SLMAP: variants seen among roughly 807,000 people sequenced by gnomAD.
SLMAP encodes sarcolemmal membrane-associated protein.
A neutral mutation model predicts 128.8 loss-of-function variants in SLMAP; 44 were observed. The ratio of observed to expected loss-of-function variants is 0.34; its 90% confidence interval spans 0.27 to 0.44. The LOEUF (loss-of-function observed/expected upper bound fraction) is 0.44. SLMAP is among the 20% of genes least tolerant of loss of function. SLMAP has a pLI of 1.00. For missense variants in SLMAP, 787 were observed against 985.3 expected, an observed-to-expected ratio of 0.80 and a Z score of 2.69; for synonymous variants, 327 against 348.8, an observed-to-expected ratio of 0.94 and a Z score of 0.70.
At chr3:57,858,464 C>T (rs2094894921) in intron 8 of SLMAP, among the ~76,000 whole-genome samples, 1 of 152,340 alleles carries the variant, frequency 6.6e-6, no homozygotes, top group East Asian at 1.9e-4. Flanking sequence ...CCCTCCCACT[C>T]CATAAAGTAG....
intron 13 of SLMAP, among the ~76,000 whole-genome samples, chr3:57,869,040 T>C (rs2095403109): frequency 7.3e-6 from 1 of 136,744 alleles, no homozygotes; most frequent in Non-Finnish European, 1.6e-5. Flanking sequence ...ATATATAATA[T>C]ATATTATATA....
At chr3:57,766,518 T>C (rs1334622007) in intron 2 of SLMAP, among the ~76,000 whole-genome samples, 1 of 152,192 alleles carries the variant, frequency 6.6e-6, no homozygotes, top group Non-Finnish European at 1.5e-5. Flanking sequence ...AAGTTTACAG[T>C]CCAGACTCTT....
chr3:57,764,507 A>G (rs1487298117), intron 2 of SLMAP, among the ~76,000 whole-genome samples: 1 of 151,872 alleles, frequency 6.6e-6, no homozygotes, highest in Non-Finnish European at 1.5e-5. Context: ...ATCTCAAAAA[A>G]AAAAAGAAAA....
intron 2 of SLMAP, among the ~76,000 whole-genome samples, chr3:57,794,243 ACTCTC>A (rs1402533497): frequency 2.3e-4 from 35 of 151,630 alleles, no homozygotes; most frequent in Admixed American, 2.2e-3. Flanking sequence ...CGTACGCTAT[ACTCTC>A]CTGGTTCTTA....
chr3:57,833,971 GTGATAA>G (rs1382578938), intron 3 of SLMAP, among the ~76,000 whole-genome samples: 4 of 152,074 alleles, frequency 2.6e-5, no homozygotes, highest in Non-Finnish European at 5.9e-5. Flanking sequence ...AAACAGTGCT[GTGATAA>G]CTTTTGTATC....
At chr3:57,814,442 T>A (rs2091556787) in intron 2 of SLMAP, among the ~76,000 whole-genome samples, 1 of 152,170 alleles carries the variant, frequency 6.6e-6, no homozygotes, top group Admixed American at 6.5e-5. Flanking sequence ...TGCCCAGTCC[T>A]CTGAGCATTA....
chr3:57,917,155 G>C (rs1250663278), intron 22 of SLMAP, 78 bp downstream of exon 22: 1 of 1,592,528 alleles, frequency 6.3e-7, no homozygotes, highest in East Asian at 2.3e-5. Context: ...ATGCTAGTTA[G>C]AAATAAAGGG....
At chr3:57,886,665 G>A (rs1408613619) in intron 14 of SLMAP, among the ~76,000 whole-genome samples, 4 of 149,306 alleles carry the variant, frequency 2.7e-5, no homozygotes, top group African/African-American at 9.9e-5. Flanking sequence ...AATTCCAGAG[G>A]GGGAGAATAA....
chr3:57,866,223 A>G (rs2095298345), intron 13 of SLMAP, among the ~76,000 whole-genome samples: 1 of 151,926 alleles, frequency 6.6e-6, no homozygotes, highest in Admixed American at 6.6e-5. Flanking sequence ...AGTGAGCCAT[A>G]ATTGTGCCAC....
intron 2 of SLMAP, among the ~76,000 whole-genome samples, chr3:57,782,080 CTT>C (rs1473106467): frequency 6.6e-6 from 1 of 152,068 alleles, no homozygotes; most frequent in African/African-American, 2.4e-5. Context: ...GATTTATACT[CTT>C]TTATTTTGGG....
intron 15 of SLMAP, 78 bp from the exon 16 acceptor site, chr3:57,896,433 A>G (rs1333987433): frequency 1.4e-6 from 2 of 1,456,934 alleles, no homozygotes; most frequent in East Asian, 2.6e-5. Flanking sequence ...GATTTTGAGC[A>G]TTCATAGCCT....
intron 2 of SLMAP, among the ~76,000 whole-genome samples, chr3:57,779,936 C>CT (rs965686335): frequency 2.1e-4 from 31 of 150,690 alleles, no homozygotes; most frequent in Non-Finnish European, 3.0e-4. Flanking sequence ...GGTACACCGA[C>CT]TTTTTTTTTA....
rs2096824938 is a variant in SLMAP at position 57,916,887 on chromosome 3, G to C, written c.2139-19G>C. The stretch of plus-strand genomic sequence containing the variant: ...AGTTTCTACCTGTGAATAACTATCT[G>C]TCAATATTTATATTGCAGTTCTCAG... On this transcript the variant is annotated intron_variant, in intron 21 of 24. Transcript: ENST00000671191. 6.2e-7 allele frequency: 1 copy of C among 1,601,822 alleles called. No homozygotes were observed. Among genetic ancestry groups the C allele is most frequent in the African/African-American group, 1.3e-5 (1 of 74,472 alleles).
intron 15 of SLMAP, among the ~76,000 whole-genome samples, chr3:57,896,064 T>TG (rs2096239265): frequency 6.6e-6 from 1 of 151,970 alleles, no homozygotes; most frequent in Admixed American, 6.6e-5. Flanking sequence ...GTGGTTTTTT[T>TG]TTAAGAGTTT....
Position 57,756,518 on chromosome 3 carries a change from GGCCGTTTGTTTT to G in SLMAP, c.-1104-28_-1104-17del, listed in dbSNP as rs2077730312. On this transcript the variant is annotated intron_variant, in intron 1 of 24. Coordinates refer to ENST00000671191, the MANE Select transcript of SLMAP (RefSeq NM_001377540.1). ...AGGCGGGCGGGCTGAGGCGCCTGAC[GGCCGTTTGTTTT>G]GATGTTTTCCCCACCAGGTCGGAAA... 6.6e-6 allele frequency: 1 copy of G among 152,610 alleles called. No homozygotes were observed. Among genetic ancestry groups the G allele is most frequent in the Admixed American group, 6.5e-5 (1 of 15,286 alleles). 9.5% of individuals were successfully genotyped at this position (152,610 alleles called of 1,614,324 possible). A position where few individuals can be genotyped will look rare whatever the true frequency, so the allele number is the denominator to read the frequency against.
chr3:57,811,209 C>T (rs2090914548), intron 2 of SLMAP, among the ~76,000 whole-genome samples: 1 of 152,104 alleles, frequency 6.6e-6, no homozygotes, highest in East Asian at 1.9e-4. Context: ...TCTTGTAAAG[C>T]TGAAGGTTTT....
chr3:57,757,205 C>A lies in SLMAP; in HGVS notation c.-447C>A. The A allele has an allele frequency of 5.1e-6, 1 of 194,580 alleles. No individual in the cohort carries two copies. The highest frequency in any genetic ancestry group is 1.1e-5 in the Non-Finnish European group (1 of 92,966). The allele number at this position is 194,580 out of a possible 1,614,324, so 12.1% of individuals were successfully genotyped here. On this transcript the variant is annotated 5_prime_UTR_variant, in exon 2 of 25. Transcript: ENST00000671191. ...ACTTTCCTGGCCGCGCCGAACCGAC[C>A]CTTCATTCATGCTGCAGTGCTGCAA...
At chr3:57,854,450 T>A (rs1430573152) in intron 6 of SLMAP, among the ~76,000 whole-genome samples, 5 of 151,848 alleles carry the variant, frequency 3.3e-5, no homozygotes, top group Non-Finnish European at 7.4e-5. Context: ...ATACAAAAAT[T>A]AGCTGGGCAT....
rs1419510194 is a variant in SLMAP at position 57,896,912 on chromosome 3, C to G, written c.1481C>G (p.Ala494Gly). Residue 494 changes from alanine to glycine, a missense_variant, in exon 17 of 25, where the codon GCC (alanine) becomes GGC (glycine). By Grantham distance (60) the Ala-to-Gly change is moderately conservative. Coordinates refer to ENST00000671191, the MANE Select transcript of SLMAP (RefSeq NM_001377540.1). ...MDEQDLNEPL[A>G]KVSLLKDDLQ... ...GAGCAAGACCTAAATGAGCCTCTTG[C>G]CAAAGTGTCCCTTTTAAAAGGTACT... 1 of 1,612,600 alleles carries G rather than the reference C, an allele frequency of 6.2e-7. No homozygotes were observed. The highest frequency in any genetic ancestry group is 2.2e-5 in the East Asian group (1 of 44,822).
Sources: allele counts gnomAD v4.1 joint callset (sites outside exome capture counted in the v4.1 genomes callset), GRCh38; gene constraint gnomAD v4.1.1; transcripts MANE v1.5; gene names NCBI Gene and HGNC (gene_info 2026-07-23, HGNC 2026-07-21).